PDE4B: variants seen among roughly 807,000 people sequenced by gnomAD.
The protein encoded by PDE4B is 3',5'-cyclic-AMP phosphodiesterase 4B.
Under a neutral mutation model 82.2 loss-of-function variants are expected in PDE4B, and 20 were observed. The ratio of observed to expected loss-of-function variants is 0.24; its 90% CI spans 0.17 to 0.35. PDE4B has a LOEUF of 0.35. Among genes scored for constraint, PDE4B ranks in the 10% least tolerant of loss-of-function variants. PDE4B has a pLI of 1.00. For missense variants in PDE4B, 655 were observed against 907.2 expected, an observed-to-expected ratio of 0.72 and a Z score of 3.57; for synonymous variants, 320 against 318.9, an observed-to-expected ratio of 1.00 and a Z score of -0.04.
chr1:66,117,483 T>C (rs1191242424), intron 3 of PDE4B, among the ~76,000 whole-genome samples: 1 of 152,130 alleles, frequency 6.6e-6, no homozygotes, highest in Non-Finnish European at 1.5e-5. Context: ...TTAATACTGG[T>C]GGATATAATA....
At chr1:66,125,057 T>A (rs1645794169) in intron 3 of PDE4B, among the ~76,000 whole-genome samples, 1 of 152,092 alleles carries the variant, frequency 6.6e-6, no homozygotes, top group Non-Finnish European at 1.5e-5. Context: ...CTTACTATTT[T>A]TTTTTTTTTG....
chr1:66,168,956 G>A (rs1646787942), intron 3 of PDE4B, among the ~76,000 whole-genome samples: 1 of 152,096 alleles, frequency 6.6e-6, no homozygotes, highest in Non-Finnish European at 1.5e-5. Flanking sequence ...AAGGAAATAA[G>A]GCATCCCTTC....
intron 1 of PDE4B, among the ~76,000 whole-genome samples, chr1:65,802,634 C>T (rs918534540): frequency 2.0e-5 from 3 of 152,166 alleles, no homozygotes; most frequent in Non-Finnish European, 2.9e-5. Flanking sequence ...TAGGAAACCA[C>T]TATTGTCATT....
At chr1:66,100,648 T>C (rs1377423965) in intron 3 of PDE4B, among the ~76,000 whole-genome samples, 1 of 152,122 alleles carries the variant, frequency 6.6e-6, no homozygotes, top group African/African-American at 2.4e-5. Flanking sequence ...AGCTTCACTG[T>C]TGTTGTGAGG....
chr1:66,314,401 G>A (rs185391946), intron 7 of PDE4B, among the ~76,000 whole-genome samples: 72 of 151,972 alleles, frequency 4.7e-4, no homozygotes, highest in African/African-American at 1.6e-3. Context: ...ACTGTTTTTT[G>A]TTTTTGTTTT....
intron 7 of PDE4B, among the ~76,000 whole-genome samples, chr1:66,292,004 A>G (rs965277695): frequency 1.3e-5 from 2 of 152,156 alleles, no homozygotes; most frequent in Non-Finnish European, 2.9e-5. Context: ...ACATAATTAG[A>G]GCCAAATGGT....
At position 66,318,184 on chromosome 1, in the gene PDE4B, A is replaced by G. The variant is rs902919246; in HGVS notation, c.635-14324A>G. On this transcript the variant is annotated intron_variant, in intron 7 of 16. Transcript: ENST00000341517. ...AATATCAACTTTGAATTCAGGCTGG[A>G]TTAGAAACCACGATCTAATATATAC... Among the ~76,000 whole-genome samples the G allele has an allele frequency of 3.9e-5, 6 of 152,218 alleles. No individual in the cohort carries two copies. In the East Asian group the frequency reaches 9.6e-4, roughly 24 times the overall value.
chr1:66,341,781 G>A lies in PDE4B; in HGVS notation c.747+9161G>A, dbSNP rs146906688. ...GTTCTCTCTGCCACTTTGCAGAGCT[G>A]TTAGCATGGAAAGTTGAACGTGAGA... On this transcript the variant is annotated intron_variant, in intron 8 of 16. Transcript: ENST00000341517. 4.0e-3 allele frequency among the ~76,000 whole-genome samples: 616 copies of A among 152,282 alleles called. 1 individual carries two copies. The highest frequency in any genetic ancestry group is 6.6e-3 in the Non-Finnish European group (446 of 68,010).
At chr1:66,263,055 T>C (rs537667199) in intron 6 of PDE4B, among the ~76,000 whole-genome samples, 15 of 152,364 alleles carry the variant, frequency 9.8e-5, no homozygotes, top group African/African-American at 3.6e-4. Flanking sequence ...CCAGTGCGTA[T>C]GTGTTGAGTA....
At chr1:66,165,436 T>A (rs1570379498) in intron 3 of PDE4B, among the ~76,000 whole-genome samples, 1 of 152,060 alleles carries the variant, frequency 6.6e-6, no homozygotes, top group Non-Finnish European at 1.5e-5. Context: ...CTAAATAAAA[T>A]TCATCGTAAA....
At chr1:66,297,581 C>T (rs190830837) in intron 7 of PDE4B, among the ~76,000 whole-genome samples, 1 of 152,098 alleles carries the variant, frequency 6.6e-6, no homozygotes, top group Non-Finnish European at 1.5e-5. Flanking sequence ...CTTTTACTTT[C>T]TCATGCATTT....
At chr1:66,009,242 A>G (rs1652329669) in intron 3 of PDE4B, among the ~76,000 whole-genome samples, 1 of 152,216 alleles carries the variant, frequency 6.6e-6, no homozygotes, top group South Asian at 2.1e-4. Flanking sequence ...ATGCATCAGC[A>G]AATCCTATCA....
intron 1 of PDE4B, among the ~76,000 whole-genome samples, chr1:65,793,470 C>A (rs1645597003): frequency 6.6e-6 from 1 of 152,310 alleles, no homozygotes; most frequent in South Asian, 2.1e-4. Flanking sequence ...TTCTCTGCTT[C>A]GGCTTCCGCC....
At chr1:66,121,195 C>T (rs1299848575) in intron 3 of PDE4B, among the ~76,000 whole-genome samples, 1 of 151,620 alleles carries the variant, frequency 6.6e-6, no homozygotes, top group Non-Finnish European at 1.5e-5. Flanking sequence ...AGTGCGAAGA[C>T]AAATGCAGGC....
rs558712580 is a variant in PDE4B, at chr1:66,209,904, C to T, written c.282-37556C>T. On this transcript the variant is annotated intron_variant, in intron 3 of 16. Transcript: ENST00000341517. Reference sequence around the variant, plus strand: ...TAATATTCCATTATATCACACATCACATTTGTTTTTCCATTTGTCTCCTGA... The same window carrying T: ...TAATATTCCATTATATCACACATCATATTTGTTTTTCCATTTGTCTCCTGA... Among the ~76,000 whole-genome samples the T allele has an allele frequency of 2.0e-5, 3 of 152,238 alleles. No individual in the cohort carries two copies. The South Asian group carries it at 6.2e-4, about 32-fold the overall frequency.
chr1:66,172,301 A>C (rs1299272983), intron 3 of PDE4B, among the ~76,000 whole-genome samples: 1 of 152,164 alleles, frequency 6.6e-6, no homozygotes, highest in African/African-American at 2.4e-5. Flanking sequence ...TTATGGCTGC[A>C]TAGTATTCCG....
At chr1:65,898,442 C>A (rs1184503347) in intron 1 of PDE4B, among the ~76,000 whole-genome samples, 2 of 152,026 alleles carry the variant, frequency 1.3e-5, no homozygotes, top group African/African-American at 4.8e-5. Flanking sequence ...CACCATCATT[C>A]TTCACAGCAT....
At chr1:65,800,287 A>G (rs960409719) in intron 1 of PDE4B, among the ~76,000 whole-genome samples, 3 of 152,228 alleles carry the variant, frequency 2.0e-5, no homozygotes, top group African/African-American at 7.2e-5. Flanking sequence ...TCCCTGGATG[A>G]GAAATAAGAC....
At chr1:66,015,495 A>G (rs1652718617) in intron 3 of PDE4B, among the ~76,000 whole-genome samples, 1 of 152,170 alleles carries the variant, frequency 6.6e-6, no homozygotes, top group African/African-American at 2.4e-5. Flanking sequence ...GTTTATGGTC[A>G]GGGAAACTTC....
Sources: allele counts gnomAD v4.1 joint callset (sites outside exome capture counted in the v4.1 genomes callset), GRCh38; gene constraint gnomAD v4.1.1; transcripts MANE v1.5; gene names NCBI Gene and HGNC (gene_info 2026-07-23, HGNC 2026-07-21).